SMURF2: variants seen among roughly 807,000 people sequenced by gnomAD.
SMURF2 encodes SMAD specific E3 ubiquitin protein ligase 2.
A neutral mutation model predicts 109.6 loss-of-function variants in SMURF2; 48 were observed. The observed-to-expected ratio is 0.44, with a 90% CI of 0.35 to 0.56. The LOEUF is 0.56. Among genes scored for constraint, SMURF2 ranks in the 20% least tolerant of loss-of-function variants. The pLI is 0.01. For synonymous variants in SMURF2, 288 were observed against 317.1 expected, an observed-to-expected ratio of 0.91 and a Z score of 0.97; for missense variants, 575 against 909.0, an observed-to-expected ratio of 0.63 and a Z score of 4.72.
At chr17:64,592,515 T>G (rs2144654939) in intron 4 of SMURF2, among the ~76,000 whole-genome samples, 1 of 152,304 alleles carries the variant, frequency 6.6e-6, no homozygotes, top group African/African-American at 2.4e-5. Context: ...CATACTACAT[T>G]AAAAGAGACA....
At chr17:64,578,711 G>A in intron 8 of SMURF2, 135 bp from the exon 9 acceptor site, 1 of 607,940 alleles carries the variant, frequency 1.6e-6, no homozygotes. Context: ...ATCAAAAAAG[G>A]GCTTTACAAA....
intron 1 of SMURF2, among the ~76,000 whole-genome samples, chr17:64,632,104 G>A (rs1970359604): frequency 6.6e-6 from 1 of 151,174 alleles, no homozygotes; most frequent in Non-Finnish European, 1.5e-5. Context: ...GATTACAATC[G>A]CTCACTACCA....
At chr17:64,638,402 T>C (rs1009818648) in intron 1 of SMURF2, among the ~76,000 whole-genome samples, 1 of 152,144 alleles carries the variant, frequency 6.6e-6, no homozygotes, top group Admixed American at 6.5e-5. Flanking sequence ...TGTTTCGTCA[T>C]GTTGGGCAGG....
At chr17:64,635,235 G>A (rs1286344260) in intron 1 of SMURF2, among the ~76,000 whole-genome samples, 2 of 152,056 alleles carry the variant, frequency 1.3e-5, no homozygotes, top group South Asian at 2.1e-4. Context: ...GCTGAGGCAC[G>A]AGAATTGCTT....
At chr17:64,644,732 C>T (rs139788928) in intron 1 of SMURF2, among the ~76,000 whole-genome samples, 1 of 151,264 alleles carries the variant, frequency 6.6e-6, no homozygotes, top group Non-Finnish European at 1.5e-5. Flanking sequence ...GCCAACATGG[C>T]GAAACTCCAA....
At chr17:64,570,350 G>A (rs1555685443) in intron 10 of SMURF2, among the ~76,000 whole-genome samples, 2 of 152,156 alleles carry the variant, frequency 1.3e-5, no homozygotes, top group Non-Finnish European at 2.9e-5. Flanking sequence ...TTATTCAGGG[G>A]TCAGAGTGAA....
chr17:64,605,981 C>G (rs1969965549), intron 2 of SMURF2, among the ~76,000 whole-genome samples: 1 of 149,804 alleles, frequency 6.7e-6, no homozygotes, highest in East Asian at 1.9e-4. Context: ...AAAGCTACAA[C>G]AGAATAAAGA....
At chr17:64,607,722 G>A (rs1296630338) in intron 1 of SMURF2, among the ~76,000 whole-genome samples, 1 of 151,466 alleles carries the variant, frequency 6.6e-6, no homozygotes, top group Non-Finnish European at 1.5e-5. Context: ...TGTAATCCCA[G>A]TACTTTGGGA....
intron 1 of SMURF2, among the ~76,000 whole-genome samples, chr17:64,642,093 C>T (rs564147823): frequency 1.6e-4 from 24 of 152,340 alleles, no homozygotes; most frequent in Non-Finnish European, 2.4e-4. Flanking sequence ...AGGCGTGAGC[C>T]ATCACGCCCG....
At chr17:64,612,739 G>A (rs1049909080) in intron 1 of SMURF2, among the ~76,000 whole-genome samples, 1 of 151,120 alleles carries the variant, frequency 6.6e-6, no homozygotes, top group African/African-American at 2.4e-5. Context: ...ATACTTATCC[G>A]GTCGTGTTTA....
intron 2 of SMURF2, among the ~76,000 whole-genome samples, chr17:64,604,101 A>G (rs1321175844): frequency 6.6e-6 from 1 of 152,214 alleles, no homozygotes; most frequent in Non-Finnish European, 1.5e-5. Context: ...GGCAACCCTT[A>G]ACAGGTCAAA....
intron 12 of SMURF2, among the ~76,000 whole-genome samples, chr17:64,559,281 C>A (rs1256767559): frequency 6.6e-6 from 1 of 152,042 alleles, no homozygotes; most frequent in African/African-American, 2.4e-5. Context: ...TGCTCAAACC[C>A]TGACAGTAGT....
intron 6 of SMURF2, among the ~76,000 whole-genome samples, chr17:64,584,472 C>A (rs576736774): frequency 6.7e-6 from 1 of 149,602 alleles, no homozygotes; most frequent in East Asian, 2.0e-4. Flanking sequence ...GATTCTTCTG[C>A]CTCAGCCTCC....
intron 1 of SMURF2, among the ~76,000 whole-genome samples, chr17:64,643,261 C>T (rs149306175): frequency 0.011 from 1,651 of 152,072 alleles, 11 homozygotes; most frequent in Middle Eastern, 0.017. Context: ...GAGTTCAAGC[C>T]ACCCACCTGC....
chr17:64,594,929 G>A (rs1969797336), intron 3 of SMURF2, among the ~76,000 whole-genome samples: 1 of 152,116 alleles, frequency 6.6e-6, no homozygotes, highest in Non-Finnish European at 1.5e-5. Flanking sequence ...GGCGGAGGTT[G>A]TGGTGAGCCT....
At chr17:64,593,885 G>C (rs1555687888) in intron 3 of SMURF2, 1 of 175,146 alleles carries the variant, frequency 5.7e-6, no homozygotes, top group Admixed American at 6.2e-5. Context: ...GCAAGAAAAA[G>C]AATCTTAAAA....
chr17:64,609,904 T>C (rs1340846032), intron 1 of SMURF2, among the ~76,000 whole-genome samples: 4 of 146,392 alleles, frequency 2.7e-5, no homozygotes, highest in Admixed American at 6.7e-5. Context: ...ACAAAGAATT[T>C]AAATTTACAA....
rs1969401681 is a variant in SMURF2 at position 64,571,728 on chromosome 17, T to C, written c.1016+70A>G. The C allele has an allele frequency of 2.8e-6, 4 of 1,438,794 alleles. No individual in the cohort carries two copies. The African/African-American group carries it at 4.3e-5, about 15-fold the overall frequency. 89.1% of individuals were successfully genotyped at this position (1,438,794 alleles called of 1,614,324 possible). A position where few individuals can be genotyped will look rare whatever the true frequency, so the allele number is the denominator to read the frequency against. ...GCCACTGTATCGAGACTCACATTTA[T>C]TATTAAAAGCATCTATGCGTTTCAT... On this transcript the variant is annotated intron_variant, in intron 10 of 18. Coordinates refer to ENST00000262435, the MANE Select transcript of SMURF2 (RefSeq NM_022739.4).
At chr17:64,648,735 CAG>C (rs1313153851) in intron 1 of SMURF2, among the ~76,000 whole-genome samples, 6 of 152,184 alleles carry the variant, frequency 3.9e-5, no homozygotes, top group Non-Finnish European at 8.8e-5. Context: ...GCCTGAGCGA[CAG>C]AGTGAGACCC....
Sources: allele counts gnomAD v4.1 joint callset (sites outside exome capture counted in the v4.1 genomes callset), GRCh38; gene constraint gnomAD v4.1.1; transcripts MANE v1.5; gene names NCBI Gene and HGNC (gene_info 2026-07-23, HGNC 2026-07-21).